BRINP3: variants seen among roughly 807,000 people sequenced by gnomAD.
BRINP3 encodes BMP/retinoic acid inducible neural specific 3.
BRINP3 carries 19 observed loss-of-function variants against 71.0 expected under a neutral mutation model. The observed-to-expected ratio is 0.27, with a 90% confidence interval of 0.19 to 0.39. The LOEUF is 0.39. Ranked by LOEUF, BRINP3 falls within the 10% of genes least tolerant of loss-of-function variation. The probability of loss-of-function intolerance (pLI) is 1.00; values close to 1 mark genes in which losing one functional copy is unlikely to be tolerated. For synonymous variants in BRINP3, 380 were observed against 337.7 expected (o/e 1.13, Z -1.37); for missense variants, 959 against 940.8 (o/e 1.02, Z -0.25).
intron 2 of BRINP3, among the ~76,000 whole-genome samples, chr1:190,289,162 C>T (rs889486424): frequency 1.3e-5 from 2 of 151,836 alleles, no homozygotes; most frequent in African/African-American, 2.4e-5. Context: ...TAAAGAATAA[C>T]TGCATTTCTA....
chr1:190,377,617 A>G (rs1455958808), intron 2 of BRINP3, among the ~76,000 whole-genome samples: 1 of 149,140 alleles, frequency 6.7e-6, no homozygotes, highest in Non-Finnish European at 1.5e-5. Flanking sequence ...ATAAAACCTG[A>G]AAGAACACAC....
At chr1:190,336,166 T>C (rs115486753) in intron 2 of BRINP3, among the ~76,000 whole-genome samples, 2,906 of 152,148 alleles carry the variant, frequency 0.019, 63 homozygotes, top group Middle Eastern at 0.061. Context: ...TCCCTCATTC[T>C]TCTAATTGAA....
chr1:190,311,530 G>A (rs1030516999), intron 2 of BRINP3, among the ~76,000 whole-genome samples: 7 of 151,574 alleles, frequency 4.6e-5, no homozygotes, highest in African/African-American at 1.7e-4. Context: ...ATATGGGTTT[G>A]AGGATTCAAA....
chr1:190,356,570 T>C (rs1024031681), intron 2 of BRINP3, among the ~76,000 whole-genome samples: 1 of 151,952 alleles, frequency 6.6e-6, no homozygotes, highest in African/African-American at 2.4e-5. Context: ...TAACTTTCCC[T>C]CTCTTATCTC....
intron 6 of BRINP3, among the ~76,000 whole-genome samples, chr1:190,224,414 G>C (rs1176696841): frequency 2.6e-5 from 4 of 151,452 alleles, no homozygotes; most frequent in Non-Finnish European, 5.9e-5. Context: ...AATATTGCTG[G>C]AAAAAATGGA....
chr1:190,301,210 T>TATATATATATATATACACACATAC (rs1664697517), intron 2 of BRINP3, among the ~76,000 whole-genome samples: 1 of 107,828 alleles, frequency 9.3e-6, no homozygotes, highest in Non-Finnish European at 1.8e-5. Flanking sequence ...CATACATATA[T>TATATATATATATATACACACATAC]ATATATATAT....
chr1:190,106,367 C>G (rs1342856426), intron 7 of BRINP3, among the ~76,000 whole-genome samples: 1 of 151,576 alleles, frequency 6.6e-6, no homozygotes, highest in Non-Finnish European at 1.5e-5. Flanking sequence ...ATGTTTAAAT[C>G]TTTGCATTGC....
chr1:190,405,295 C>A (rs2102378459), intron 2 of BRINP3, among the ~76,000 whole-genome samples: 1 of 151,052 alleles, frequency 6.6e-6, no homozygotes, highest in East Asian at 2.0e-4. Context: ...ACTAAAAATG[C>A]AAAAAATTAG....
chr1:190,438,182 G>C (rs1459967632), intron 2 of BRINP3, among the ~76,000 whole-genome samples: 8 of 151,214 alleles, frequency 5.3e-5, no homozygotes, highest in Admixed American at 4.6e-4. Context: ...AGTTACTATA[G>C]AATCATTCTT....
At chr1:190,227,048 T>C (rs1447683198) in intron 5 of BRINP3, among the ~76,000 whole-genome samples, 1 of 151,894 alleles carries the variant, frequency 6.6e-6, no homozygotes, top group Non-Finnish European at 1.5e-5. Flanking sequence ...GGGTGTAGCA[T>C]TTATTACGAT....
chr1:190,228,792 T>A (rs199876750), intron 5 of BRINP3, among the ~76,000 whole-genome samples: 1 of 25,582 alleles, frequency 3.9e-5, no homozygotes, highest in Non-Finnish European at 8.0e-5. Flanking sequence ...CGGAATTTTC[T>A]TTTTTTTTCT....
chr1:190,258,358 AC>A (rs758908360), intron 4 of BRINP3, among the ~76,000 whole-genome samples: 4 of 152,196 alleles, frequency 2.6e-5, no homozygotes, highest in Non-Finnish European at 4.4e-5. Context: ...GGACACTCCC[AC>A]CCAAATACTG....
At chr1:190,305,164 T>C (rs907021449) in intron 2 of BRINP3, among the ~76,000 whole-genome samples, 3 of 151,734 alleles carry the variant, frequency 2.0e-5, no homozygotes, top group Admixed American at 6.6e-5. Context: ...ACTGCTGGCA[T>C]TAGTATAGCA....
At position 190,264,924 on chromosome 1, in the gene BRINP3, C is replaced by G; in HGVS notation, c.559G>C (p.Asp187His). The G allele has an allele frequency of 1.2e-6, 2 of 1,613,812 alleles. No individual in the cohort carries two copies. The highest frequency in any genetic ancestry group is 1.7e-6 in the Non-Finnish European group (2 of 1,179,918). The change falls in exon 4 of 8, where the codon GAC becomes CAC. Residue 187 changes from aspartate (D) to histidine (H), a missense_variant. Asp to His is a moderately conservative substitution (Grantham distance 81, BLOSUM62 -1). Transcript: ENST00000367462. Reference protein sequence around the residue: ...LHQLAASYFIDRDSTLRRLHH... With the variant: ...LHQLAASYFIHRDSTLRRLHH... Reference sequence around the variant, plus strand: ...AGTCTCCGAAGGGTGCTGTCCCTGTCAATGAAATAAGAAGCGGCTAGCTGA... The same window carrying G: ...AGTCTCCGAAGGGTGCTGTCCCTGTGAATGAAATAAGAAGCGGCTAGCTGA...
intron 3 of BRINP3, among the ~76,000 whole-genome samples, chr1:190,266,318 A>G (rs139166670): frequency 2.6e-5 from 4 of 152,170 alleles, no homozygotes; most frequent in Admixed American, 6.5e-5. Flanking sequence ...TGACAATCCA[A>G]TCTTAAGTAA....
In BRINP3 at chr1:190,443,775, G is replaced by A. The variant is rs567667238; in HGVS notation, c.236+10880C>T. 2.0e-5 allele frequency among the ~76,000 whole-genome samples: 3 copies of A among 152,204 alleles called. No homozygotes were observed. The East Asian group carries it at 5.8e-4, about 29-fold the overall frequency. On this transcript the variant is annotated intron_variant, in intron 2 of 7. Coordinates refer to ENST00000367462, the MANE Select transcript of BRINP3 (RefSeq NM_199051.3). ...CATCTGACAGCGACTTCTAGTTTGGGGCTTGGAAACCAACCAATCAGAACT... is the reference window on the plus strand; with the variant it reads ...CATCTGACAGCGACTTCTAGTTTGGAGCTTGGAAACCAACCAATCAGAACT...
intron 7 of BRINP3, among the ~76,000 whole-genome samples, chr1:190,139,188 C>G (rs1655220548): frequency 6.6e-6 from 1 of 151,574 alleles, no homozygotes; most frequent in Admixed American, 6.6e-5. Context: ...GTGGCTCACA[C>G]CTGTAATCCC....
At chr1:190,399,453 G>A (rs927737072) in intron 2 of BRINP3, among the ~76,000 whole-genome samples, 3 of 151,804 alleles carry the variant, frequency 2.0e-5, no homozygotes, top group African/African-American at 4.8e-5. Context: ...GACACTTCGC[G>A]AGCATGAAAC....
chr1:190,122,523 C>T (rs1454187424), intron 7 of BRINP3, among the ~76,000 whole-genome samples: 1 of 140,032 alleles, frequency 7.1e-6, no homozygotes, highest in Non-Finnish European at 1.5e-5. Flanking sequence ...CAAGGAACAC[C>T]AGGAATCACC....
Sources: allele counts gnomAD v4.1 joint callset (sites outside exome capture counted in the v4.1 genomes callset), GRCh38; gene constraint gnomAD v4.1.1; transcripts MANE v1.5; gene names NCBI Gene and HGNC (gene_info 2026-07-23, HGNC 2026-07-21).